NXF3: variants seen among roughly 807,000 people sequenced by gnomAD.
NXF3 encodes TAP-like protein 3.
A neutral mutation model predicts 48.4 loss-of-function variants in NXF3; 34 were observed. That is an observed-to-expected ratio of 0.70 (90% CI 0.53 to 0.93). The LOEUF (loss-of-function observed/expected upper bound fraction) is 0.93. Among genes scored for constraint, NXF3 ranks in the 40% least tolerant of loss-of-function variants. The probability of loss-of-function intolerance (pLI) is 0.00; values close to 1 mark genes in which losing one functional copy is unlikely to be tolerated. For missense variants in NXF3, 359 were observed against 406.1 expected, an observed-to-expected ratio of 0.88 and a Z score of 1.00; for synonymous variants, 132 against 145.7, an observed-to-expected ratio of 0.91 and a Z score of 0.68.
chrX:103,082,248 A>C lies in NXF3; in HGVS notation c.890+7T>G. On this transcript the variant is annotated splice_region_variant and intron_variant, in intron 9 of 19. Coordinates refer to ENST00000395065, the MANE Select transcript of NXF3 (RefSeq NM_022052.2). Reference sequence around the variant, plus strand: ...GGTCCCAGGTGGTGACAGAGGGTACAACTGACTTTATGTTGCTGGAGGTAT... The same window carrying C: ...GGTCCCAGGTGGTGACAGAGGGTACCACTGACTTTATGTTGCTGGAGGTAT... The C allele has an allele frequency of 8.5e-7, 1 of 1,175,284 alleles. No homozygotes were observed. The highest frequency in any genetic ancestry group is 2.4e-4 in the Middle Eastern group (1 of 4,232).
intron 17 of NXF3, among the ~76,000 whole-genome samples, 192 bp from the exon 18 acceptor site, chrX:103,077,938 C>T (rs1381440351): frequency 8.9e-6 from 1 of 111,809 alleles, no homozygotes; most frequent in Non-Finnish European, 1.9e-5. Flanking sequence ...ACATGCTTCA[C>T]CAGTTTTGTA....
Position 103,087,635 on chromosome X carries a change from G to A in NXF3, c.29-2752C>T, listed in dbSNP as rs757932038. The A allele has an allele frequency of 8.6e-5, 85 of 986,934 alleles. 1 individual carries two copies. The South Asian group carries it at 1.3e-3, about 15-fold the overall frequency. 81.3% of individuals were successfully genotyped at this position (986,934 alleles called of 1,213,427 possible). ...GGCATTACACCCGTGCTCTAAGTCC[G>A]ATCCCACATATAGCATGAAGAGAAG... On this transcript the variant is annotated intron_variant, in intron 1 of 19. Coordinates refer to ENST00000395065, the MANE Select transcript of NXF3 (RefSeq NM_022052.2).
chrX:103,080,858 G>A (rs1921991108), intron 9 of NXF3: 1 of 408,544 alleles, frequency 2.4e-6, no homozygotes, highest in South Asian at 4.4e-5. Flanking sequence ...AGGAAATGGG[G>A]TGGGAGCCCA....
rs1922054781 is a variant in NXF3 at position 103,083,034 on chromosome X, G to A, written c.661C>T (p.Leu221Phe). 2.5e-6 allele frequency: 3 copies of A among 1,210,962 alleles called. No homozygotes were observed. The African/African-American group carries it at 5.2e-5, about 21-fold the overall frequency. The change falls in exon 7 of 20, where the codon CTT (leucine) becomes TTT (phenylalanine). Residue 221 changes from leucine (L) to phenylalanine (F), a missense_variant. Leu to Phe is a conservative substitution (Grantham distance 22). Transcript: ENST00000395065. Reference protein sequence around the residue: ...NQQCDVSQEALDIQRLPFYPD... With the variant: ...NQQCDVSQEAFDIQRLPFYPD... ...TAAAATGGGAGTCTCTGGATATCAA[G>A]AGCTTCCTGGGAGACATCACACTGT...
rs757369476 is a variant in NXF3, at chrX:103,076,259, A to C, written c.*31T>G. 3.6e-5 allele frequency: 43 copies of C among 1,206,534 alleles called. No homozygotes were observed. The South Asian group carries it at 6.7e-4, about 19-fold the overall frequency. On this transcript the variant is annotated 3_prime_UTR_variant, in exon 19 of 20. Transcript: ENST00000395065. ...ACCTCACCTTGGGCCATGCAAGAAC[A>C]TGAGGAGCTCTGACGTAGTCACACT... is the stretch of plus-strand genomic sequence containing the variant.
chrX:103,082,053 A>G lies in NXF3; in HGVS notation c.890+202T>C, dbSNP rs780492795. The G allele has an allele frequency of 5.6e-5, 24 of 429,779 alleles. No homozygotes were observed. The South Asian group carries it at 8.5e-4, about 15-fold the overall frequency. The allele number at this position is 429,779 out of a possible 1,213,427, so 35.4% of individuals were successfully genotyped here. The stretch of plus-strand genomic sequence containing the variant: ...GAGACAGGTGGGAAACACATCCCAG[A>G]GCGGGTGAAAAGGGGACCATGTCAG... On this transcript the variant is annotated intron_variant, in intron 9 of 19. Transcript: ENST00000395065.
intron 1 of NXF3, among the ~76,000 whole-genome samples, chrX:103,086,387 G>A (rs902674545): frequency 2.7e-5 from 3 of 111,262 alleles, no homozygotes; most frequent in African/African-American, 9.8e-5. Flanking sequence ...CTCCAGTGCA[G>A]AACTAATTTA....
chrX:103,082,784 G>A lies in NXF3; in HGVS notation c.756C>T (p.Asp252=), dbSNP rs146732324. 96 of 1,206,362 alleles carry A rather than the reference G, an allele frequency of 8.0e-5. No individual in the cohort carries two copies. The East Asian group carries it at 9.8e-4, about 12-fold the overall frequency. ...CTGTAGGTATGTTCTCTTCATGGAC[G>A]TCCAGGGAGGCAGCCATGCACTTTC... The part of the protein sequence containing the change: ...NPRKCMAASL[D]VHEENIPTVM... The change falls in exon 8 of 20, where the codon GAC becomes GAT. Residue 252 remains aspartate (D), a synonymous_variant. Transcript: ENST00000395065.
At chrX:103,077,828 GCAA>G (rs1158980781) in intron 17 of NXF3, 82 bp from the exon 18 acceptor site, 1 of 1,096,932 alleles carries the variant, frequency 9.1e-7, no homozygotes, top group Non-Finnish European at 1.2e-6. Context: ...CTACTGTTCA[GCAA>G]CCTGATTTCT....
intron 1 of NXF3, chrX:103,088,308 T>G: frequency 1.9e-6 from 1 of 540,101 alleles, no homozygotes; most frequent in East Asian, 3.6e-5. Context: ...ATCGTATTTC[T>G]GGTGAGCCGT....
In NXF3 at chrX:103,082,244, G is replaced by A. The variant is rs1922034404; in HGVS notation, c.890+11C>T. On this transcript the variant is annotated intron_variant, in intron 9 of 19. Coordinates refer to ENST00000395065, the MANE Select transcript of NXF3 (RefSeq NM_022052.2). ...TCAGGGTCCCAGGTGGTGACAGAGGGTACAACTGACTTTATGTTGCTGGAG... is the reference window on the plus strand; with the variant it reads ...TCAGGGTCCCAGGTGGTGACAGAGGATACAACTGACTTTATGTTGCTGGAG... 1 of 1,161,454 alleles carries A rather than the reference G, an allele frequency of 8.6e-7. No individual in the cohort carries two copies. Among genetic ancestry groups the A allele is most frequent in the Non-Finnish European group, 1.2e-6 (1 of 849,767 alleles).
At chrX:103,088,776 C>A in intron 1 of NXF3, 5 of 1,112,016 alleles carry the variant, frequency 4.5e-6, no homozygotes, top group Non-Finnish European at 6.1e-6. Flanking sequence ...TGAACAGATT[C>A]ATAATGAAAA....
intron 9 of NXF3, 60 bp downstream of exon 9, chrX:103,082,195 C>A: frequency 1.3e-6 from 1 of 785,239 alleles, no homozygotes; most frequent in Non-Finnish European, 2.0e-6. Flanking sequence ...CCTCCTCCTG[C>A]AGAAGGGCGC....
At position 103,088,927 on chromosome X, in the gene NXF3, A is replaced by G; in HGVS notation, c.29-4044T>C. ...CAAAAATACGAGGTCTCAGAGTCAG[A>G]TCAAATGTCAGGAGTTAAGGCAGAC... On this transcript the variant is annotated intron_variant, in intron 1 of 19. Transcript: ENST00000395065. 2.2e-5 allele frequency: 26 copies of G among 1,194,435 alleles called. 1 individual carries two copies. In the South Asian group the frequency reaches 4.6e-4, roughly 21 times the overall value.
chrX:103,079,642 C>A lies in NXF3; in HGVS notation c.1161G>T (p.Pro387=). The A allele has an allele frequency of 8.3e-7, 1 of 1,210,272 alleles. No individual in the cohort carries two copies. The highest frequency in any genetic ancestry group is 1.1e-6 in the Non-Finnish European group (1 of 894,419). The change falls in exon 14 of 20, where the codon CCG becomes CCT. Residue 387 remains proline (P), a splice_region_variant and synonymous_variant. Transcript: ENST00000395065. The part of the protein sequence containing the change: ...SIPFNPEDSA[P]SSFCKFFKDS... ...CCTTGAAGAACTTGCAGAAGCTGCT[C>A]CTAGAAGAAAAAGAGGAGCAGGAGT...
Position 103,082,306 on chromosome X carries a change from G to A in NXF3, c.839C>T (p.Ala280Val), listed in dbSNP as rs1271800605. ...WKGIEPGEKC[A>V]DRSPVCTTFS... ...GGTCGTGCACACTGGGCTTCTGTCC[G>A]CACACTTCTCTCCTGGCTCTATCCC... The change falls in exon 9 of 20, where the codon GCG becomes GTG. Residue 280 changes from alanine to valine, a missense_variant. Physicochemically the swap from Ala to Val is moderately conservative, Grantham distance 64. Transcript: ENST00000395065. 5.8e-6 allele frequency: 7 copies of A among 1,209,170 alleles called. No individual in the cohort carries two copies. Among genetic ancestry groups the A allele is most frequent in the East Asian group, 3.0e-5 (1 of 33,772 alleles).
intron 1 of NXF3, among the ~76,000 whole-genome samples, chrX:103,089,654 G>A (rs775525865): frequency 1.8e-5 from 2 of 111,403 alleles, no homozygotes; most frequent in Admixed American, 9.5e-5. Context: ...AAGACCGAGA[G>A]GCAAAAATTG....
At chrX:103,083,334 A>G in intron 5 of NXF3, 61 bp from the exon 6 acceptor site, 1 of 1,174,002 alleles carries the variant, frequency 8.5e-7, no homozygotes, top group Non-Finnish European at 1.2e-6. Flanking sequence ...AAGATCAAGC[A>G]AGACCTTACC....
At chrX:103,082,906 A>G (rs1922051076) in intron 7 of NXF3, 58 bp from the exon 8 acceptor site, 1 of 1,134,611 alleles carries the variant, frequency 8.8e-7, no homozygotes, top group Non-Finnish European at 1.2e-6. Flanking sequence ...CTGGTACAGC[A>G]TCAGCACTAA....
Sources: allele counts gnomAD v4.1 joint callset (sites outside exome capture counted in the v4.1 genomes callset), GRCh38; gene constraint gnomAD v4.1.1; transcripts MANE v1.5; gene names NCBI Gene and HGNC (gene_info 2026-07-23, HGNC 2026-07-21).